Variants in PPP3R1 observed in about 807,000 individuals in gnomAD.
The protein encoded by PPP3R1 is protein phosphatase 3 regulatory subunit B, alpha.
PPP3R1 carries 5 observed loss-of-function variants against 22.6 expected under a neutral mutation model. The observed-to-expected ratio is 0.22, with a 90% CI of 0.12 to 0.46. The LOEUF (loss-of-function observed/expected upper bound fraction) is 0.46. PPP3R1 is among the 20% of genes least tolerant of loss of function. The pLI, the probability that PPP3R1 is intolerant of heterozygous loss-of-function variation, is 0.99. For synonymous variants in PPP3R1, 56 were observed against 65.2 expected, an observed-to-expected ratio of 0.86 and a Z score of 0.68; for missense variants, 61 against 203.2, an observed-to-expected ratio of 0.30 and a Z score of 4.25.
chr2:68,224,746 ATAAAG>A (rs1669752140), intron 1 of PPP3R1, among the ~76,000 whole-genome samples: 1 of 152,176 alleles, frequency 6.6e-6, no homozygotes, highest in Admixed American at 6.5e-5. Flanking sequence ...ATTGGACAGA[ATAAAG>A]TAAACACACA....
At chr2:68,235,901 C>T (rs1441754223) in intron 1 of PPP3R1, among the ~76,000 whole-genome samples, 2 of 152,146 alleles carry the variant, frequency 1.3e-5, no homozygotes, top group African/African-American at 4.8e-5. Flanking sequence ...GTGTGAAGTG[C>T]TATCTCGACA....
At chr2:68,247,664 C>T (rs1195057829) in intron 1 of PPP3R1, among the ~76,000 whole-genome samples, 1 of 152,216 alleles carries the variant, frequency 6.6e-6, no homozygotes, top group East Asian at 1.9e-4. Flanking sequence ...ATTCCTAAAA[C>T]CTAACCTTAA....
intron 1 of PPP3R1, among the ~76,000 whole-genome samples, chr2:68,223,126 T>A (rs557655754): frequency 5.8e-4 from 89 of 152,272 alleles, no homozygotes; most frequent in Non-Finnish European, 8.8e-5. Context: ...CCGGGCGCGG[T>A]GGCTCACGCC....
intron 2 of PPP3R1, among the ~76,000 whole-genome samples, chr2:68,189,875 TTAAAAA>T (rs1674624356): frequency 6.6e-6 from 1 of 151,284 alleles, no homozygotes; most frequent in Admixed American, 6.6e-5. Flanking sequence ...TCTCAAAAAA[TTAAAAA>T]TAAAAATAAA....
intron 1 of PPP3R1, among the ~76,000 whole-genome samples, chr2:68,241,250 T>C (rs1670123984): frequency 6.6e-6 from 1 of 152,218 alleles, no homozygotes; most frequent in Non-Finnish European, 1.5e-5. Context: ...ACTTGCAATA[T>C]CTAATACAAT....
chr2:68,246,708 G>T (rs1258366816), intron 1 of PPP3R1, among the ~76,000 whole-genome samples: 1 of 152,072 alleles, frequency 6.6e-6, no homozygotes, highest in African/African-American at 2.4e-5. Flanking sequence ...AAACTTCACA[G>T]GCTCCTCATC....
At chr2:68,236,290 T>G (rs1468852323) in intron 1 of PPP3R1, among the ~76,000 whole-genome samples, 1 of 152,200 alleles carries the variant, frequency 6.6e-6, no homozygotes, top group Non-Finnish European at 1.5e-5. Flanking sequence ...CCACACTCAT[T>G]CATTTATGTA....
chr2:68,245,973 C>T (rs891375008), intron 1 of PPP3R1, among the ~76,000 whole-genome samples: 11 of 151,096 alleles, frequency 7.3e-5, no homozygotes, highest in African/African-American at 2.2e-4. Context: ...TCCTTGGAGA[C>T]ATTAAGTTGT....
chr2:68,222,538 C>T (rs777873963), intron 1 of PPP3R1, among the ~76,000 whole-genome samples: 7 of 152,212 alleles, frequency 4.6e-5, no homozygotes, highest in African/African-American at 7.2e-5. Flanking sequence ...AATTAGTTCT[C>T]TGCCTCACTG....
intron 1 of PPP3R1, chr2:68,251,218 G>C (rs766056880): frequency 1.3e-5 from 2 of 152,210 alleles, no homozygotes; most frequent in Non-Finnish European, 2.9e-5. Flanking sequence ...CTTGGCTGCA[G>C]CGACAGAGGC....
intron 1 of PPP3R1, among the ~76,000 whole-genome samples, chr2:68,237,000 T>C (rs994362474): frequency 1.3e-5 from 2 of 152,200 alleles, no homozygotes; most frequent in African/African-American, 2.4e-5. Context: ...GCAAGTCTTA[T>C]GTTCTTGATG....
chr2:68,219,015 A>G (rs1225607366), intron 1 of PPP3R1, among the ~76,000 whole-genome samples: 1 of 152,150 alleles, frequency 6.6e-6, no homozygotes, highest in African/African-American at 2.4e-5. Flanking sequence ...CTTGGAATGC[A>G]TATATCCAAA....
chr2:68,189,779 G>C (rs954388545), intron 2 of PPP3R1, among the ~76,000 whole-genome samples: 5 of 152,170 alleles, frequency 3.3e-5, no homozygotes, highest in Non-Finnish European at 5.9e-5. Flanking sequence ...TGAAGCAGGA[G>C]AATCGCTTGA....
chr2:68,199,673 T>C (rs1449061815), intron 2 of PPP3R1, among the ~76,000 whole-genome samples: 5 of 152,218 alleles, frequency 3.3e-5, no homozygotes, highest in Non-Finnish European at 5.9e-5. Context: ...TGAATAGATA[T>C]TACATTTTGC....
At chr2:68,238,200 T>C (rs1356996024) in intron 1 of PPP3R1, among the ~76,000 whole-genome samples, 1 of 152,026 alleles carries the variant, frequency 6.6e-6, no homozygotes, top group African/African-American at 2.4e-5. Context: ...CAACAGGGAT[T>C]AGATTTACAA....
At chr2:68,209,680 C>T (rs896920516) in intron 2 of PPP3R1, among the ~76,000 whole-genome samples, 5 of 151,928 alleles carry the variant, frequency 3.3e-5, no homozygotes, top group Non-Finnish European at 7.4e-5. Flanking sequence ...ATCGCTTGAG[C>T]CCCAGTGAGC....
intron 2 of PPP3R1, among the ~76,000 whole-genome samples, chr2:68,213,252 C>A (rs1286093835): frequency 6.6e-6 from 1 of 152,234 alleles, no homozygotes; most frequent in Non-Finnish European, 1.5e-5. Flanking sequence ...TTTTGACACA[C>A]CTTCCTCAAT....
At chr2:68,199,773 A>G (rs1674934520) in intron 2 of PPP3R1, among the ~76,000 whole-genome samples, 1 of 152,204 alleles carries the variant, frequency 6.6e-6, no homozygotes, top group Non-Finnish European at 1.5e-5. Context: ...AAATTGCATT[A>G]CTGGTATAAA....
At chr2:68,220,255 G>A (rs1376152886) in intron 1 of PPP3R1, among the ~76,000 whole-genome samples, 1 of 152,176 alleles carries the variant, frequency 6.6e-6, no homozygotes, top group African/African-American at 2.4e-5. Flanking sequence ...GGCCAAGGAG[G>A]TGAGACTTGT....
Sources: allele counts gnomAD v4.1 joint callset (sites outside exome capture counted in the v4.1 genomes callset), GRCh38; gene constraint gnomAD v4.1.1; transcripts MANE v1.5; gene names NCBI Gene and HGNC (gene_info 2026-07-23, HGNC 2026-07-21).